The following NUP188 variants were observed in gnomAD, a reference collection of about 807,000 sequenced individuals.
NUP188 encodes nucleoporin 188, also known as nucleoporin NUP188.
Under a neutral mutation model 223.0 loss-of-function variants are expected in NUP188, and 97 were observed. The ratio of observed to expected loss-of-function variants is 0.43; its 90% confidence interval spans 0.37 to 0.51. The LOEUF (loss-of-function observed/expected upper bound fraction) is 0.51, where lower values mean the gene tolerates loss of function less well. Among genes scored for constraint, NUP188 ranks in the 20% least tolerant of loss-of-function variants. The pLI is 0.00. For missense variants in NUP188, 1,947 were observed against 2,175.6 expected (o/e 0.89, Z 2.09); for synonymous variants, 869 against 828.0 (o/e 1.05, Z -0.85).
At position 128,986,644 on chromosome 9, in the gene NUP188, G is replaced by C; in HGVS notation, c.2163G>C (p.Trp721Cys). ...AGATGCTTCCCAGCTACCATAAGTGGCGCTACAACTCTCATGGAGTGAGGG... is the reference window on the plus strand; with the variant it reads ...AGATGCTTCCCAGCTACCATAAGTGCCGCTACAACTCTCATGGAGTGAGGG... Reference protein sequence around the residue: ...LKEMLPSYHKWRYNSHGVREQ... With the variant: ...LKEMLPSYHKCRYNSHGVREQ... The change falls in exon 21 of 44, where the codon TGG becomes TGC. Residue 721 changes from tryptophan to cysteine, a missense_variant. Physicochemically the swap from Trp to Cys is radical, Grantham distance 215. Coordinates refer to ENST00000372577, the MANE Select transcript of NUP188 (RefSeq NM_015354.3). The C allele has an allele frequency of 6.2e-7, 1 of 1,614,170 alleles. No homozygotes were observed. Among genetic ancestry groups the C allele is most frequent in the Non-Finnish European group, 8.5e-7 (1 of 1,180,028 alleles).
rs1417366598 is a variant in NUP188 at position 128,984,972 on chromosome 9, G to A, written c.2034G>A (p.Gly678=). ...MNSEQPQGEY[G]VTIAFLRLIT... is the part of the protein sequence containing the mutation. ...GTGAACAGCCTCAGGGCGAGTATGGGGTTACTATTGCCTTTCTGCGCTTGA... is the reference window on the plus strand; with the variant it reads ...GTGAACAGCCTCAGGGCGAGTATGGAGTTACTATTGCCTTTCTGCGCTTGA... Residue 678 remains glycine, a synonymous_variant, in exon 20 of 44, where the codon GGG becomes GGA. Coordinates refer to ENST00000372577, the MANE Select transcript of NUP188 (RefSeq NM_015354.3). The A allele has an allele frequency of 3.7e-6, 6 of 1,613,598 alleles. No individual in the cohort carries two copies. The South Asian group carries it at 5.5e-5, about 15-fold the overall frequency.
chr9:129,001,624 A>C lies in NUP188; in HGVS notation c.3939A>C (p.Leu1313=). The change falls in exon 35 of 44, where the codon CTA becomes CTC. Residue 1313 remains leucine (L), a synonymous_variant. Coordinates refer to ENST00000372577, the MANE Select transcript of NUP188 (RefSeq NM_015354.3). ...AGGTAACCCGCAGGCTCCCCATCCT[A>C]CCCACCCTCCTCACCACTCTAGAGG... ...WLQVTRRLPI[L]PTLLTTLEVS... 6.2e-7 allele frequency: 1 copy of C among 1,613,850 alleles called. No homozygotes were observed. The highest frequency in any genetic ancestry group is 8.5e-7 in the Non-Finnish European group (1 of 1,179,936).
At chr9:129,005,263 A>G (rs370446877) in intron 39 of NUP188, 40 bp from the exon 40 acceptor site, 3 of 1,613,110 alleles carry the variant, frequency 1.9e-6, no homozygotes, top group Non-Finnish European at 2.5e-6. Flanking sequence ...ACCTCACGCT[A>G]GCTTCCCAAG....
At chr9:128,987,475 G>C (rs1842354571) in intron 22 of NUP188, 114 bp from the exon 23 acceptor site, 1 of 942,402 alleles carries the variant, frequency 1.1e-6, no homozygotes, top group African/African-American at 1.7e-5. Flanking sequence ...GCAGAGAGCT[G>C]GTCTCCAGTG....
rs1302101261 is a variant in NUP188, at chr9:128,995,392, G to A, written c.3229G>A (p.Gly1077Arg). 6.2e-7 allele frequency: 1 copy of A among 1,614,032 alleles called. No individual in the cohort carries two copies. The highest frequency in any genetic ancestry group is 2.2e-5 in the East Asian group (1 of 44,898). The change falls in exon 30 of 44, where the codon GGG becomes AGG. Residue 1077 changes from glycine (G) to arginine (R), a missense_variant. Around this residue, in one of 3 missense-constraint regions of NUP188, gnomAD observed 905 missense variants for 990.6 expected, o/e 0.91. Transcript: ENST00000372577. ...SIEKRFAYWS[G>R]YVKSLAVHVA... ...CGAGAAACGCTTTGCCTACTGGTCA[G>A]GGTATGTCAAGTCATTGGCAGTTCA...
At chr9:128,987,064 TGA>T (rs137999231) in intron 22 of NUP188, among the ~76,000 whole-genome samples, 189 bp downstream of exon 22, 19,014 of 110,470 alleles carry the variant, frequency 0.17, 1,681 homozygotes, top group Non-Finnish European at 0.24. Flanking sequence ...GAAGTAGGAA[TGA>T]GAGAGAGAGA....
At position 128,992,032 on chromosome 9, in the gene NUP188, G is replaced by A. The variant is rs369759568; in HGVS notation, c.2641-1165G>A. 3.8e-3 allele frequency among the ~76,000 whole-genome samples: 561 copies of A among 148,222 alleles called. 1 individual carries two copies. Among genetic ancestry groups the A allele is most frequent in the African/African-American group, 0.012 (490 of 40,268 alleles). On this transcript the variant is annotated intron_variant, in intron 25 of 43. Transcript: ENST00000372577. Reference sequence around the variant, plus strand: ...AGCCATTCTCCTGCCTTAGCCTCCCGAGTAGCTGGGACTACAGGCGCCTGC... The same window carrying A: ...AGCCATTCTCCTGCCTTAGCCTCCCAAGTAGCTGGGACTACAGGCGCCTGC...
At chr9:128,987,255 TTC>T (rs1436156518) in intron 22 of NUP188, among the ~76,000 whole-genome samples, 2 of 152,174 alleles carry the variant, frequency 1.3e-5, no homozygotes, top group Non-Finnish European at 2.9e-5. Context: ...TCTTGGTTTT[TTC>T]CTCTTTCTGT....
At chr9:128,953,343 CAT>C (rs1334763417) in intron 3 of NUP188, among the ~76,000 whole-genome samples, 1 of 152,122 alleles carries the variant, frequency 6.6e-6, no homozygotes, top group Admixed American at 6.6e-5. Flanking sequence ...TAGTGGAAAA[CAT>C]AGTAATAAAA....
chr9:128,959,225 G>A (rs1841911609), intron 8 of NUP188, 91 bp downstream of exon 8: 3 of 950,196 alleles, frequency 3.2e-6, no homozygotes, highest in Non-Finnish European at 3.0e-6. Context: ...GCATGATCTC[G>A]GCTCACTGCA....
At position 128,973,183 on chromosome 9, in the gene NUP188, G is replaced by A; in HGVS notation, c.1137G>A (p.Met379Ile). The change falls in exon 12 of 44, where the codon ATG (methionine) becomes ATA (isoleucine). Residue 379 changes from methionine to isoleucine, a missense_variant. Met to Ile is a conservative substitution (Grantham distance 10). Transcript: ENST00000372577. ...AGTGCACCACCAGCACTGCATGCAT[G>A]TGTGTCTATGGACTGCTCTCTTTCG... ...GNDCTTSTAC[M>I]CVYGLLSFVL... 6.2e-7 allele frequency: 1 copy of A among 1,613,394 alleles called. No homozygotes were observed. Among genetic ancestry groups the A allele is most frequent in the South Asian group, 1.1e-5 (1 of 91,050 alleles).
chr9:128,961,342 A>G (rs1254057476), intron 8 of NUP188, among the ~76,000 whole-genome samples: 1 of 150,410 alleles, frequency 6.6e-6, no homozygotes, highest in Non-Finnish European at 1.5e-5. Context: ...AAAAATAAAA[A>G]TAAAAATAAA....
chr9:128,973,305 C>A, intron 12 of NUP188, 56 bp downstream of exon 12: 1 of 1,165,518 alleles, frequency 8.6e-7, no homozygotes, highest in South Asian at 1.2e-5. Flanking sequence ...CAATCAAGTC[C>A]CAAAAATATA....
At chr9:128,955,671 C>T (rs1046361703) in intron 3 of NUP188, among the ~76,000 whole-genome samples, 9 of 151,636 alleles carry the variant, frequency 5.9e-5, no homozygotes, top group African/African-American at 1.5e-4. Context: ...CATCTCCTAC[C>T]GAAAGGACTT....
intron 34 of NUP188, among the ~76,000 whole-genome samples, chr9:129,000,898 C>T (rs1321765330): frequency 2.6e-5 from 4 of 151,680 alleles, no homozygotes; most frequent in African/African-American, 7.3e-5. Flanking sequence ...ATTAGCCGGG[C>T]GTGGTGGCGG....
chr9:128,973,153 A>G lies in NUP188; in HGVS notation c.1114-7A>G. Reference sequence around the variant, plus strand: ...AGAATGATTCACTGACTCCTTTGTCATTCCAGTGCACCACCAGCACTGCAT... The same window carrying G: ...AGAATGATTCACTGACTCCTTTGTCGTTCCAGTGCACCACCAGCACTGCAT... On this transcript the variant is annotated splice_region_variant and splice_polypyrimidine_tract_variant and intron_variant, in intron 11 of 43. Coordinates refer to ENST00000372577, the MANE Select transcript of NUP188 (RefSeq NM_015354.3). 6.2e-7 allele frequency: 1 copy of G among 1,602,350 alleles called. No individual in the cohort carries two copies. Among genetic ancestry groups the G allele is most frequent in the Non-Finnish European group, 8.5e-7 (1 of 1,170,852 alleles).
At chr9:128,950,125 G>C (rs1841760944) in intron 2 of NUP188, among the ~76,000 whole-genome samples, 1 of 151,840 alleles carries the variant, frequency 6.6e-6, no homozygotes, top group African/African-American at 2.4e-5. Context: ...GTTTTGCCAT[G>C]TTGGCCAGGT....
Position 128,998,588 on chromosome 9 carries a change from C to T in NUP188, c.3480C>T (p.Cys1160=), listed in dbSNP as rs1842572961. 9 of 1,614,066 alleles carry T rather than the reference C, an allele frequency of 5.6e-6. No homozygotes were observed. Among genetic ancestry groups the T allele is most frequent in the Non-Finnish European group, 7.6e-6 (9 of 1,180,026 alleles). The part of the protein sequence containing the change: ...VNCLRLGSMK[C]TLLLILLRQW... ...GCCTTCGCCTTGGCTCCATGAAGTG[C>T]ACTCTGCTGCTTATCCTCCTCCGGC... Residue 1160 remains cysteine, a synonymous_variant, in exon 32 of 44, where the codon TGC becomes TGT. Coordinates refer to ENST00000372577, the MANE Select transcript of NUP188 (RefSeq NM_015354.3).
At position 128,957,017 on chromosome 9, in the gene NUP188, T is replaced by C; in HGVS notation, c.312T>C (p.Thr104=). The change falls in exon 5 of 44, where the codon ACT becomes ACC. Residue 104 remains threonine (T), a synonymous_variant. Transcript: ENST00000372577. The stretch of plus-strand genomic sequence containing the variant: ...ACCTGCAAGAGGACTACAGGGGTAC[T>C]CGGGACTCAGTAAAGGTTTGTGGTT... ...QCYLQEDYRG[T]RDSVKTVLQD... is the part of the protein sequence containing the mutation. The C allele has an allele frequency of 6.2e-7, 1 of 1,611,114 alleles. No homozygotes were observed.
Sources: gnomAD v4.1 joint callset for allele counts (sites outside exome capture counted in the v4.1 genomes callset) on GRCh38, gnomAD v4.1.1 for gene constraint, gnomAD v4.1.1 regional missense constraint, MANE v1.5 for transcripts, NCBI Gene and HGNC (gene_info 2026-07-23, HGNC 2026-07-21) for gene names.